ABI3BP: variants seen among roughly 807,000 people sequenced by gnomAD.
ABI3BP encodes the protein target of Nesh-SH3.
Under a neutral mutation model 268.6 loss-of-function variants are expected in ABI3BP, and 216 were observed. The observed-to-expected ratio is 0.80, with a 90% CI of 0.72 to 0.90. ABI3BP has a LOEUF of 0.90. Ranked by LOEUF, ABI3BP falls within the 40% of genes least tolerant of loss-of-function variation. The pLI is 0.00. For synonymous variants in ABI3BP, 730 were observed against 730.0 expected (o/e 1.00, Z 0.00); for missense variants, 2,090 against 2,182.4 (o/e 0.96, Z 0.84).
intron 1 of ABI3BP, among the ~76,000 whole-genome samples, chr3:100,981,923 G>C (rs1562278490): frequency 6.6e-6 from 1 of 152,208 alleles, no homozygotes; most frequent in Non-Finnish European, 1.5e-5. Flanking sequence ...CAAGGCAGAT[G>C]TATTAGTCCA....
intron 12 of ABI3BP, chr3:100,863,375 G>C (rs1203445356): frequency 2.5e-5 from 4 of 158,126 alleles, no homozygotes; most frequent in African/African-American, 9.7e-5. Flanking sequence ...GCAGTGCGTG[G>C]CACGATCTTG....
intron 63 of ABI3BP, among the ~76,000 whole-genome samples, chr3:100,763,591 A>G (rs1337824179): frequency 6.6e-6 from 1 of 152,186 alleles, no homozygotes; most frequent in African/African-American, 2.4e-5. Flanking sequence ...GGAGCAATAA[A>G]CAGGACATAT....
Position 100,770,927 on chromosome 3 carries a change from C to A in ABI3BP, c.4557G>T (p.Lys1519Asn). Reference protein sequence around the residue: ...FKGPHVRYIQKPDNSPCSITD... With the variant: ...FKGPHVRYIQNPDNSPCSITD... ...TAATGGAGCAGGGACTGTTGTCAGGCTTTTGGATGTATCGCACATGAGGTC... is the reference window on the plus strand; with the variant it reads ...TAATGGAGCAGGGACTGTTGTCAGGATTTTGGATGTATCGCACATGAGGTC... Residue 1519 changes from lysine (K) to asparagine (N), a missense_variant, in exon 62 of 68, where the codon AAG becomes AAT. By Grantham distance (94) the Lys-to-Asn change is moderately conservative. Coordinates refer to ENST00000471714, the MANE Select transcript of ABI3BP (RefSeq NM_001375547.2). 1.3e-6 allele frequency: 2 copies of A among 1,590,616 alleles called. No individual in the cohort carries two copies. Among genetic ancestry groups the A allele is most frequent in the Non-Finnish European group, 8.6e-7 (1 of 1,168,416 alleles).
chr3:100,767,181 C>G (rs889223451), intron 62 of ABI3BP, among the ~76,000 whole-genome samples: 16 of 152,186 alleles, frequency 1.1e-4, no homozygotes, highest in Non-Finnish European at 1.9e-4. Flanking sequence ...CTCAAGCGAT[C>G]CACCCACCTC....
intron 63 of ABI3BP, among the ~76,000 whole-genome samples, chr3:100,759,094 T>C (rs1017026693): frequency 6.6e-6 from 1 of 152,228 alleles, no homozygotes; most frequent in Non-Finnish European, 1.5e-5. Context: ...TTTAAAAAGT[T>C]GGTTTTCATT....
At chr3:100,844,113 T>C (rs1319492616) in intron 20 of ABI3BP, 1 of 984,308 alleles carries the variant, frequency 1.0e-6, no homozygotes, top group Non-Finnish European at 1.2e-6. Context: ...AGGTATAAAA[T>C]GTTCCATAAC....
intron 1 of ABI3BP, among the ~76,000 whole-genome samples, chr3:100,966,994 C>A (rs542825295): frequency 1.3e-5 from 2 of 151,548 alleles, no homozygotes; most frequent in Non-Finnish European, 2.9e-5. Flanking sequence ...TATTGGCAGA[C>A]CCAGGTCTGT....
chr3:100,869,500 G>A (rs1040492075), intron 9 of ABI3BP, among the ~76,000 whole-genome samples: 4 of 151,518 alleles, frequency 2.6e-5, no homozygotes, highest in African/African-American at 7.3e-5. Flanking sequence ...CTATAAGCAC[G>A]TGCCACAGCA....
chr3:100,897,389 T>A, intron 4 of ABI3BP, among the ~76,000 whole-genome samples: 1 of 150,862 alleles, frequency 6.6e-6, no homozygotes, highest in East Asian at 1.9e-4. Flanking sequence ...ATACAGTCTG[T>A]ATTCATATAC....
intron 49 of ABI3BP, among the ~76,000 whole-genome samples, chr3:100,809,882 T>G (rs2097807895): frequency 1.3e-5 from 2 of 152,032 alleles, no homozygotes; most frequent in African/African-American, 2.4e-5. Flanking sequence ...TTGTTTTGAT[T>G]TTTTTTATTT....
chr3:100,991,587 T>G (rs2092924764), intron 1 of ABI3BP, among the ~76,000 whole-genome samples: 1 of 152,178 alleles, frequency 6.6e-6, no homozygotes, highest in South Asian at 2.1e-4. Flanking sequence ...TGGAGCACAG[T>G]TTGAAAAAGA....
At chr3:100,862,245 T>C (rs1165783871) in intron 14 of ABI3BP, 66 bp downstream of exon 14, 5 of 1,097,898 alleles carry the variant, frequency 4.6e-6, no homozygotes, top group Non-Finnish European at 2.6e-6. Flanking sequence ...AAGGAACCTA[T>C]AAAAACAATA....
Position 100,920,584 on chromosome 3 carries a change from G to A in ABI3BP, c.259+5718C>T, listed in dbSNP as rs72928393. Among the ~76,000 whole-genome samples the A allele has an allele frequency of 9.3e-3, 1,411 of 151,884 alleles. 19 individuals are homozygous for A. The highest frequency in any genetic ancestry group is 0.031 in the African/African-American group (1,293 of 41,396). On this transcript the variant is annotated intron_variant, in intron 2 of 67. Coordinates refer to ENST00000471714, the MANE Select transcript of ABI3BP (RefSeq NM_001375547.2). ...ATTACAGGCACCCGCCCCCATGCCC[G>A]GCTAATTTTTGCATTTTTAGTAATG...
intron 6 of ABI3BP, among the ~76,000 whole-genome samples, chr3:100,878,516 C>A (rs530555986): frequency 2.6e-5 from 4 of 152,096 alleles, no homozygotes; most frequent in African/African-American, 9.7e-5. Flanking sequence ...AGAGGAATGA[C>A]GCAGATATAA....
chr3:100,855,836 A>G (rs757092447), intron 14 of ABI3BP, among the ~76,000 whole-genome samples: 5 of 152,252 alleles, frequency 3.3e-5, no homozygotes, highest in Non-Finnish European at 7.3e-5. Context: ...TACCACACAC[A>G]GAGTTCACAG....
At chr3:100,757,436 A>G (rs1424093653) in intron 63 of ABI3BP, among the ~76,000 whole-genome samples, 1 of 152,228 alleles carries the variant, frequency 6.6e-6, no homozygotes, top group African/African-American at 2.4e-5. Context: ...TCAGGATGAC[A>G]TTTGACTTTT....
At chr3:100,892,943 T>G (rs1011596040) in intron 4 of ABI3BP, among the ~76,000 whole-genome samples, 5 of 152,302 alleles carry the variant, frequency 3.3e-5, no homozygotes, top group Admixed American at 2.0e-4. Context: ...GGAAGCCAAG[T>G]ATTGATCCTA....
intron 2 of ABI3BP, among the ~76,000 whole-genome samples, chr3:100,909,752 T>C (rs1425777434): frequency 6.6e-6 from 1 of 152,074 alleles, no homozygotes; most frequent in African/African-American, 2.4e-5. Flanking sequence ...CGCCAATCAT[T>C]AAAAAGTCAG....
chr3:100,826,769 C>T (rs2098393797), intron 34 of ABI3BP, among the ~76,000 whole-genome samples: 1 of 152,020 alleles, frequency 6.6e-6, no homozygotes, highest in Non-Finnish European at 1.5e-5. Flanking sequence ...GCCACTCAGT[C>T]TGTGGCATCC....
Sources: allele counts gnomAD v4.1 joint callset (sites outside exome capture counted in the v4.1 genomes callset), GRCh38; gene constraint gnomAD v4.1.1; transcripts MANE v1.5; gene names NCBI Gene and HGNC (gene_info 2026-07-23, HGNC 2026-07-21).